DLG2: variants seen among roughly 807,000 people sequenced by gnomAD.
The protein encoded by DLG2 is disks large homolog 2.
DLG2 carries 45 observed loss-of-function variants against 132.5 expected under a neutral mutation model. That is an observed-to-expected ratio of 0.34 (90% CI 0.27 to 0.44). The LOEUF (loss-of-function observed/expected upper bound fraction) is 0.44, where lower values mean the gene tolerates loss of function less well. Ranked by LOEUF, DLG2 falls within the 20% of genes least tolerant of loss-of-function variation. The probability of loss-of-function intolerance (pLI) is 1.00; values close to 1 mark genes in which losing one functional copy is unlikely to be tolerated. For missense variants in DLG2, 1,045 were observed against 1,196.9 expected (o/e 0.87, Z 1.87); for synonymous variants, 424 against 419.6 (o/e 1.01, Z -0.13).
At chr11:84,681,199 T>A (rs2099728914) in intron 6 of DLG2, among the ~76,000 whole-genome samples, 1 of 152,230 alleles carries the variant, frequency 6.6e-6, no homozygotes, top group African/African-American at 2.4e-5. Context: ...TGACTTACTG[T>A]CCTGAGGACC....
intron 6 of DLG2, among the ~76,000 whole-genome samples, chr11:84,934,799 C>T (rs1306868688): frequency 6.6e-6 from 1 of 151,814 alleles, no homozygotes; most frequent in Non-Finnish European, 1.5e-5. Context: ...GACTTTGTTT[C>T]TCTTGTTTTT....
At chr11:85,482,635 A>G (rs148463382) in intron 3 of DLG2, among the ~76,000 whole-genome samples, 2 of 152,138 alleles carry the variant, frequency 1.3e-5, no homozygotes, top group Non-Finnish European at 1.5e-5. Flanking sequence ...AGACCCAAAG[A>G]TCCCAGGCTC....
At chr11:85,203,703 C>T (rs1474259953) in intron 4 of DLG2, among the ~76,000 whole-genome samples, 3 of 152,044 alleles carry the variant, frequency 2.0e-5, no homozygotes, top group African/African-American at 7.2e-5. Context: ...GCCAGCATTA[C>T]CCTAGTAACA....
intron 6 of DLG2, among the ~76,000 whole-genome samples, chr11:84,983,407 G>A (rs764787913): frequency 2.6e-4 from 39 of 152,146 alleles, no homozygotes; most frequent in South Asian, 8.3e-4. Flanking sequence ...ACTACAGTTC[G>A]GCTCTCAGGA....
chr11:85,586,633 TTTATCTTTCAAATAACC>T (rs2078990271), intron 3 of DLG2, among the ~76,000 whole-genome samples: 1 of 152,214 alleles, frequency 6.6e-6, no homozygotes, highest in Admixed American at 6.5e-5. Context: ...ATCAATTTTG[TTTATCTTTCAAATAACC>T]AGGTTTTGTT....
At chr11:84,406,883 GA>G (rs1406240032) in intron 7 of DLG2, among the ~76,000 whole-genome samples, 28 of 152,222 alleles carry the variant, frequency 1.8e-4, no homozygotes, top group Non-Finnish European at 5.9e-5. Context: ...CAGAGAGAAA[GA>G]GAAGAGGTGG....
intron 6 of DLG2, among the ~76,000 whole-genome samples, chr11:84,979,122 A>C (rs764124296): frequency 7.3e-4 from 111 of 152,328 alleles, no homozygotes; most frequent in Non-Finnish European, 1.5e-3. Context: ...ACCATCTCAC[A>C]CCAGTTAGAA....
At chr11:84,276,845 C>A (rs992203724) in intron 7 of DLG2, among the ~76,000 whole-genome samples, 4 of 152,130 alleles carry the variant, frequency 2.6e-5, no homozygotes, top group African/African-American at 9.7e-5. Flanking sequence ...AATAGAGTAA[C>A]AGGGCCTGGA....
At chr11:84,510,080 G>C (rs1426411127) in intron 7 of DLG2, among the ~76,000 whole-genome samples, 1 of 145,726 alleles carries the variant, frequency 6.9e-6, no homozygotes. Context: ...CAATCAGAAA[G>C]TAGTAAGAGT....
intron 9 of DLG2, among the ~76,000 whole-genome samples, chr11:84,118,727 C>G (rs2093760836): frequency 6.6e-6 from 1 of 152,306 alleles, no homozygotes; most frequent in South Asian, 2.1e-4. Flanking sequence ...TACTTACTTT[C>G]TTCTAATTTG....
chr11:84,807,861 T>C (rs187074587), intron 6 of DLG2, among the ~76,000 whole-genome samples: 30 of 152,160 alleles, frequency 2.0e-4, no homozygotes, highest in African/African-American at 5.8e-4. Flanking sequence ...GCAAAAGCAA[T>C]AGAACTAAAA....
chr11:84,560,739 T>C (rs769857033), intron 6 of DLG2, among the ~76,000 whole-genome samples: 1 of 151,904 alleles, frequency 6.6e-6, no homozygotes, highest in Non-Finnish European at 1.5e-5. Flanking sequence ...TAATGGAGAG[T>C]TGAGGCAAGA....
At chr11:83,626,693 G>T (rs966352171) in intron 19 of DLG2, among the ~76,000 whole-genome samples, 4 of 152,134 alleles carry the variant, frequency 2.6e-5, no homozygotes, top group Admixed American at 1.3e-4. Context: ...GAATGCCGAG[G>T]GGAAATAGAA....
At chr11:84,554,257 G>A (rs906165853) in intron 6 of DLG2, among the ~76,000 whole-genome samples, 6 of 152,142 alleles carry the variant, frequency 3.9e-5, no homozygotes, top group Admixed American at 3.9e-4. Flanking sequence ...CTTCCCAAAT[G>A]GGGCAGTTTT....
At chr11:85,285,982 G>A in intron 3 of DLG2, 1 of 330,524 alleles carries the variant, frequency 3.0e-6, no homozygotes, top group Non-Finnish European at 5.8e-6. Flanking sequence ...AAAAAATCAT[G>A]TAGGAAGTCA....
intron 11 of DLG2, among the ~76,000 whole-genome samples, chr11:83,990,474 C>T (rs1357653357): frequency 3.3e-5 from 5 of 152,080 alleles, no homozygotes; most frequent in Non-Finnish European, 7.4e-5. Flanking sequence ...ACACCATGAA[C>T]GGATCGTGGT....
chr11:85,297,924 C>T (rs1202049602), intron 3 of DLG2, among the ~76,000 whole-genome samples: 2 of 152,146 alleles, frequency 1.3e-5, no homozygotes, highest in East Asian at 1.9e-4. Context: ...AAATAGGCTA[C>T]ATAATGTCTG....
intron 11 of DLG2, among the ~76,000 whole-genome samples, chr11:84,016,544 G>T (rs777720059): frequency 1.3e-5 from 2 of 152,060 alleles, no homozygotes; most frequent in Non-Finnish European, 2.9e-5. Context: ...TAAGGAAGGG[G>T]TCCAGTTTCA....
At chr11:85,456,253 T>C (rs768400580) in intron 3 of DLG2, among the ~76,000 whole-genome samples, 1 of 152,202 alleles carries the variant, frequency 6.6e-6, no homozygotes, top group Non-Finnish European at 1.5e-5. Context: ...TTTGTGTGCA[T>C]AGAGGTGCTC....
Sources: gnomAD v4.1 joint callset for allele counts (sites outside exome capture counted in the v4.1 genomes callset) on GRCh38, gnomAD v4.1.1 for gene constraint, MANE v1.5 for transcripts, NCBI Gene and HGNC (gene_info 2026-07-23, HGNC 2026-07-21) for gene names.